The following PPIP5K2 variants were observed in gnomAD, a reference collection of about 807,000 sequenced individuals.
The protein encoded by PPIP5K2 is diphosphoinositol pentakisphosphate kinase 2, also known as inositol hexakisphosphate and diphosphoinositol-pentakisphosphate kinase 2.
In PPIP5K2, 105 loss-of-function variants were observed where a neutral mutation model predicts 154.6. That is an observed-to-expected ratio of 0.68 (90% CI 0.58 to 0.80). The LOEUF (loss-of-function observed/expected upper bound fraction) is 0.80. PPIP5K2 is among the 30% of genes least tolerant of loss of function. PPIP5K2 has a pLI of 0.00. For missense variants in PPIP5K2, 992 were observed against 1,504.6 expected, an observed-to-expected ratio of 0.66 and a Z score of 5.64; for synonymous variants, 480 against 490.3, an observed-to-expected ratio of 0.98 and a Z score of 0.28.
intron 19 of PPIP5K2, among the ~76,000 whole-genome samples, chr5:103,170,620 T>C (rs782519152): frequency 5.3e-5 from 8 of 151,382 alleles, no homozygotes; most frequent in Non-Finnish European, 1.0e-4. Context: ...CTCCCTAACT[T>C]TTTCATATGA....
rs538379534 is a variant in PPIP5K2 at position 103,212,684 on chromosome 5, A to G, written c.*11050A>G. 2 of 152,268 alleles carry G rather than the reference A, an allele frequency of 1.3e-5. No individual in the cohort carries two copies. The highest frequency in any genetic ancestry group is 4.8e-5 in the African/African-American group (2 of 41,574). 9.4% of individuals were successfully genotyped at this position (152,268 alleles called of 1,614,324 possible). ...TGTGTATTCTAAAATGTTATTGTGT[A>G]TGTTATAAAAGCTTTGTAAAATAAA... is the stretch of plus-strand genomic sequence containing the variant. On this transcript the variant is annotated 3_prime_UTR_variant, in exon 31 of 31. Coordinates refer to ENST00000358359, the MANE Select transcript of PPIP5K2 (RefSeq NM_001276277.3).
intron 2 of PPIP5K2, among the ~76,000 whole-genome samples, chr5:103,131,056 T>C (rs898704748): frequency 1.3e-5 from 2 of 152,204 alleles, no homozygotes; most frequent in African/African-American, 4.8e-5. Flanking sequence ...TTGTGAATTA[T>C]TTTTCATTCT....
intron 1 of PPIP5K2, among the ~76,000 whole-genome samples, chr5:103,123,654 T>C (rs1187181842): frequency 6.6e-6 from 1 of 152,250 alleles, no homozygotes; most frequent in Non-Finnish European, 1.5e-5. Flanking sequence ...AGTTAAGAAT[T>C]ACTGTTTAGG....
chr5:103,121,598 A>G (rs1437853002), intron 1 of PPIP5K2, among the ~76,000 whole-genome samples: 14 of 152,208 alleles, frequency 9.2e-5, no homozygotes, highest in Admixed American at 6.5e-4. Context: ...TGGTGTACCT[A>G]CTTATATGTC....
chr5:103,180,818 C>T lies in PPIP5K2; in HGVS notation c.2922+630C>T, dbSNP rs536228081. Among the ~76,000 whole-genome samples, 234 of 150,030 alleles carry T rather than the reference C, an allele frequency of 1.6e-3. 2 individuals are homozygous for T. The highest frequency in any genetic ancestry group is 8.1e-4 in the Non-Finnish European group (55 of 67,648). On this transcript the variant is annotated intron_variant, in intron 24 of 30. Transcript: ENST00000358359. Reference sequence around the variant, plus strand: ...TGAGCTAAGATCACGCCACTGCACTCCAGCCTGGGCAACAGAGCAAGACTC... The same window carrying T: ...TGAGCTAAGATCACGCCACTGCACTTCAGCCTGGGCAACAGAGCAAGACTC...
intron 3 of PPIP5K2, among the ~76,000 whole-genome samples, chr5:103,135,246 G>C (rs1791276638): frequency 6.6e-6 from 1 of 152,126 alleles, no homozygotes; most frequent in Admixed American, 6.5e-5. Context: ...AACTCTACTA[G>C]GTAAGACTGG....
In PPIP5K2 at chr5:103,207,316, C is replaced by T. The variant is rs1803570741; in HGVS notation, c.*5682C>T. The T allele has an allele frequency of 6.6e-6, 1 of 152,146 alleles. No homozygotes were observed. Among genetic ancestry groups the T allele is most frequent in the African/African-American group, 2.4e-5 (1 of 41,452 alleles). The allele number at this position is 152,146 out of a possible 1,614,324, so 9.4% of individuals were successfully genotyped here. Reference sequence around the variant, plus strand: ...TGTGGCAGTCAAAAATGTCTCCAGACATTAGTAAATGTCTTTTGTGAGGGA... The same window carrying T: ...TGTGGCAGTCAAAAATGTCTCCAGATATTAGTAAATGTCTTTTGTGAGGGA... On this transcript the variant is annotated 3_prime_UTR_variant, in exon 31 of 31. Transcript: ENST00000358359.
At chr5:103,124,848 T>A (rs1419588507) in intron 1 of PPIP5K2, among the ~76,000 whole-genome samples, 2 of 152,228 alleles carry the variant, frequency 1.3e-5, no homozygotes, top group African/African-American at 4.8e-5. Flanking sequence ...TGGGAGGCTC[T>A]GAATTTACAA....
intron 14 of PPIP5K2, among the ~76,000 whole-genome samples, chr5:103,157,857 A>G (rs1795660421): frequency 6.6e-6 from 1 of 152,218 alleles, no homozygotes; most frequent in African/African-American, 2.4e-5. Context: ...TAGCACAACT[A>G]AATTAAGTAC....
chr5:103,203,973 CAT>C lies in PPIP5K2; in HGVS notation c.*2340_*2341del, dbSNP rs1373645675. ...AGGGAATACAGTAAAGTAACAAAAACATGTGGCAGTGTGCTTAGCATAAACAT... is the reference window on the plus strand; with the variant it reads ...AGGGAATACAGTAAAGTAACAAAAACGTGGCAGTGTGCTTAGCATAAACAT... On this transcript the variant is annotated 3_prime_UTR_variant, in exon 31 of 31. Transcript: ENST00000358359. 2.6e-5 allele frequency: 4 copies of C among 152,162 alleles called. No homozygotes were observed. The highest frequency in any genetic ancestry group is 4.8e-5 in the African/African-American group (2 of 41,438). The allele number at this position is 152,162 out of a possible 1,614,324, so 9.4% of individuals were successfully genotyped here. A position where few individuals can be genotyped will look rare whatever the true frequency, so the allele number is the denominator to read the frequency against.
At position 103,168,261 on chromosome 5, in the gene PPIP5K2, T is replaced by TTTATATAA; in HGVS notation, c.2254_2255insATATAATT (p.Ser752TyrfsTer7). Reference sequence around the variant, plus strand: ...GAAAACACAATGGAATTATATAGGCTTTCGAAGGCATTAGCAGATATTGTT... The same window carrying TTTATATAA: ...GAAAACACAATGGAATTATATAGGCTTTATATAATTCGAAGGCATTAGCAGATATTGTT... On this transcript the variant is annotated frameshift_variant, in exon 19 of 31. Transcript: ENST00000358359. LOFTEE classifies it high-confidence loss of function. The TTTATATAA allele has an allele frequency of 6.2e-7, 1 of 1,608,378 alleles. No homozygotes were observed. The highest frequency in any genetic ancestry group is 8.5e-7 in the Non-Finnish European group (1 of 1,175,810).
intron 1 of PPIP5K2, among the ~76,000 whole-genome samples, chr5:103,125,097 A>G (rs1052766515): frequency 2.0e-5 from 3 of 152,148 alleles, no homozygotes; most frequent in Non-Finnish European, 4.4e-5. Flanking sequence ...CATCGGTTTT[A>G]TCTCCTTTTT....
In PPIP5K2 at chr5:103,209,561, A is replaced by G. The variant is rs782164748; in HGVS notation, c.*7927A>G. On this transcript the variant is annotated 3_prime_UTR_variant, in exon 31 of 31. Coordinates refer to ENST00000358359, the MANE Select transcript of PPIP5K2 (RefSeq NM_001276277.3). The stretch of plus-strand genomic sequence containing the variant: ...GCAGTTAGAAAGATGTAACTTGACA[A>G]GGAAAGCAGTCTCTTTTGTCATTCT... 3 of 152,210 alleles carry G rather than the reference A, an allele frequency of 2.0e-5. No individual in the cohort carries two copies. The highest frequency in any genetic ancestry group is 4.4e-5 in the Non-Finnish European group (3 of 68,040). The allele number at this position is 152,210 out of a possible 1,614,324, so 9.4% of individuals were successfully genotyped here. A position where few individuals can be genotyped will look rare whatever the true frequency, so the allele number is the denominator to read the frequency against.
chr5:103,177,896 A>G lies in PPIP5K2; in HGVS notation c.2670A>G (p.Glu890=). The change falls in exon 23 of 31, where the codon GAA becomes GAG. Residue 890 remains glutamate (E), a synonymous_variant. Transcript: ENST00000358359. ...CCTCAGAAGAACGCTTTCATGTTGA[A>G]TTACACTTTAGTCCGGGAGCCAAAG... is the stretch of plus-strand genomic sequence containing the variant. The part of the protein sequence containing the change: ...DLSSEERFHV[E]LHFSPGAKGC... 6.2e-7 allele frequency: 1 copy of G among 1,613,278 alleles called. No homozygotes were observed. The highest frequency in any genetic ancestry group is 8.5e-7 in the Non-Finnish European group (1 of 1,179,406).
rs1554225500 is a variant in PPIP5K2 at position 103,187,358 on chromosome 5, GCT to G, written c.3336_3337del (p.Arg1113ThrfsTer7). On this transcript the variant is annotated frameshift_variant, in exon 28 of 31. Transcript: ENST00000358359. LOFTEE classifies it high-confidence loss of function. ...SAVKRFSISF[A>X]RHPTNGFELY... is the part of the protein sequence containing the mutation. The stretch of plus-strand genomic sequence containing the variant: ...TGTTAAAAGGTTTTCTATCTCATTT[GCT>G]CGACACCCAACCAATGGTACGTTTT... The G allele has an allele frequency of 6.5e-7, 1 of 1,534,578 alleles. No individual in the cohort carries two copies.
intron 1 of PPIP5K2, among the ~76,000 whole-genome samples, chr5:103,122,389 T>G (rs1414579131): frequency 6.6e-6 from 1 of 152,172 alleles, no homozygotes; most frequent in Admixed American, 6.5e-5. Context: ...TTCAGTTGGT[T>G]TTTGAATGGC....
rs1186872887 is a variant in PPIP5K2, at chr5:103,211,772, C to T, written c.*10138C>T. 1 of 151,686 alleles carries T rather than the reference C, an allele frequency of 6.6e-6. No individual in the cohort carries two copies. Among genetic ancestry groups the T allele is most frequent in the Non-Finnish European group, 1.5e-5 (1 of 67,954 alleles). 9.4% of individuals were successfully genotyped at this position (151,686 alleles called of 1,614,324 possible). A position where few individuals can be genotyped will look rare whatever the true frequency, so the allele number is the denominator to read the frequency against. On this transcript the variant is annotated 3_prime_UTR_variant, in exon 31 of 31. Coordinates refer to ENST00000358359, the MANE Select transcript of PPIP5K2 (RefSeq NM_001276277.3). ...ATACAAATATGAAAAGTCCTGTTTC[C>T]AGGGAATTTACTTTCTAATGAGGAA... is the stretch of plus-strand genomic sequence containing the variant.
At chr5:103,142,416 C>A (rs1792934334) in intron 5 of PPIP5K2, among the ~76,000 whole-genome samples, 1 of 152,214 alleles carries the variant, frequency 6.6e-6, no homozygotes, top group Admixed American at 6.5e-5. Flanking sequence ...GCTCGCGCCT[C>A]TCCCTCCACA....
intron 29 of PPIP5K2, among the ~76,000 whole-genome samples, chr5:103,191,802 TAGAA>T (rs1198438733): frequency 6.6e-6 from 1 of 152,032 alleles, no homozygotes; most frequent in Non-Finnish European, 1.5e-5. Flanking sequence ...AATTCCAGTT[TAGAA>T]AGAGTTAGTT....
Sources: allele counts gnomAD v4.1 joint callset (sites outside exome capture counted in the v4.1 genomes callset), GRCh38; gene constraint gnomAD v4.1.1; transcripts MANE v1.5; gene names NCBI Gene and HGNC (gene_info 2026-07-23, HGNC 2026-07-21).